Variants in PPP2R1A observed in about 807,000 individuals in gnomAD.
The protein encoded by PPP2R1A is serine/threonine-protein phosphatase 2A 65 kDa regulatory subunit A alpha isoform.
Under a neutral mutation model 67.1 loss-of-function variants are expected in PPP2R1A, and 15 were observed. The ratio of observed to expected loss-of-function variants is 0.22; its 90% CI spans 0.15 to 0.34. The LOEUF is 0.34. Ranked by LOEUF, PPP2R1A falls within the 10% of genes least tolerant of loss-of-function variation. The pLI is 1.00. For synonymous variants in PPP2R1A, 337 were observed against 325.0 expected (o/e 1.04, Z -0.40); for missense variants, 369 against 775.0 (o/e 0.48, Z 6.22).
intron 1 of PPP2R1A, among the ~76,000 whole-genome samples, chr19:52,195,666 G>A (rs566380237): frequency 6.6e-6 from 1 of 152,114 alleles, no homozygotes; most frequent in Admixed American, 6.5e-5. Context: ...GCAGCTCTCA[G>A]AACTCAGGGA....
At chr19:52,195,243 C>T (rs943609875) in intron 1 of PPP2R1A, among the ~76,000 whole-genome samples, 6 of 152,040 alleles carry the variant, frequency 3.9e-5, no homozygotes, top group Admixed American at 6.6e-5. Flanking sequence ...GGCTCTGTGC[C>T]GAGGCCTGCT....
rs376923147 is a variant in PPP2R1A at position 52,220,970 on chromosome 19, C to T, written c.1364-9C>T. The T allele has an allele frequency of 5.6e-6, 9 of 1,614,080 alleles. No homozygotes were observed. In the Middle Eastern group the frequency reaches 8.3e-4, roughly 148 times the overall value. Reference sequence around the variant, plus strand: ...AATCCCTGTCTCTCTCACCCTCACCCTTCTGCAGTATATGCCATCCGCGAG... The same window carrying T: ...AATCCCTGTCTCTCTCACCCTCACCTTTCTGCAGTATATGCCATCCGCGAG... On this transcript the variant is annotated splice_polypyrimidine_tract_variant and intron_variant, in intron 11 of 14. Coordinates refer to ENST00000322088, the MANE Select transcript of PPP2R1A (RefSeq NM_014225.6).
At chr19:52,208,626 A>G (rs1486262520) in intron 3 of PPP2R1A, among the ~76,000 whole-genome samples, 1 of 152,068 alleles carries the variant, frequency 6.6e-6, no homozygotes, top group Non-Finnish European at 1.5e-5. Flanking sequence ...CAGCCTCCCA[A>G]GTAGCTGGGA....
intron 1 of PPP2R1A, among the ~76,000 whole-genome samples, chr19:52,192,413 T>G (rs140555126): frequency 2.0e-3 from 310 of 151,664 alleles, no homozygotes; most frequent in African/African-American, 7.2e-3. Flanking sequence ...GTTCAAGCAA[T>G]TCTCCTGCCT....
Position 52,216,673 on chromosome 19 carries a change from C to T in PPP2R1A, c.1128+10C>T, listed in dbSNP as rs2122351384. 1.9e-6 allele frequency: 3 copies of T among 1,614,110 alleles called. No homozygotes were observed. Among genetic ancestry groups the T allele is most frequent in the Middle Eastern group, 1.6e-4 (1 of 6,062 alleles). On this transcript the variant is annotated intron_variant, in intron 9 of 14. Coordinates refer to ENST00000322088, the MANE Select transcript of PPP2R1A (RefSeq NM_014225.6). The surrounding 1 kb of genome is among the most constrained non-coding windows in gnomAD (Gnocchi z 4.3). ...TCAGCTGAAGGATGAGGTAAGGGCA[C>T]CAGGATCTCAGCTCTGGGTTTGTGG...
intron 13 of PPP2R1A, 34 bp from the exon 14 acceptor site, chr19:52,225,683 A>G: frequency 6.3e-7 from 1 of 1,598,630 alleles, no homozygotes; most frequent in Non-Finnish European, 8.6e-7. Context: ...ATCCTGGCTC[A>G]CCCTCTCTCT....
rs1978761448 is a variant in PPP2R1A, at chr19:52,219,126, C to A, written c.1129-565C>A. 6.6e-6 allele frequency among the ~76,000 whole-genome samples: 1 copy of A among 152,234 alleles called. No homozygotes were observed. Among genetic ancestry groups the A allele is most frequent in the Non-Finnish European group, 1.5e-5 (1 of 68,044 alleles). On this transcript the variant is annotated intron_variant, in intron 9 of 14. Coordinates refer to ENST00000322088, the MANE Select transcript of PPP2R1A (RefSeq NM_014225.6). The surrounding 1 kb of genome is among the most constrained non-coding windows in gnomAD (Gnocchi z 4.0). ...CTTCTCTTCTCATGCACATGTTCAG[C>A]AGCTTGAGGCTCACACAGCAAGGGC...
chr19:52,224,497 T>C (rs945981136), intron 13 of PPP2R1A, among the ~76,000 whole-genome samples: 2 of 152,204 alleles, frequency 1.3e-5, no homozygotes, highest in Non-Finnish European at 2.9e-5. Flanking sequence ...TAGCTCTGTA[T>C]TCACTCCTAA....
chr19:52,198,874 G>A (rs1309882068), intron 1 of PPP2R1A, among the ~76,000 whole-genome samples: 1 of 152,220 alleles, frequency 6.6e-6, no homozygotes, highest in East Asian at 1.9e-4. Flanking sequence ...TGAGGATTCA[G>A]TGTGTTAATC....
chr19:52,190,412 G>A (rs537761086), intron 1 of PPP2R1A: 5 of 574,818 alleles, frequency 8.7e-6, no homozygotes, highest in African/African-American at 1.9e-5. Context: ...CCTGCCCTGT[G>A]CGCGCGGCGG....
rs1477794653 is a variant in PPP2R1A, at chr19:52,206,000, G to T, written c.207G>T (p.Leu69=). 1.9e-6 allele frequency: 3 copies of T among 1,614,026 alleles called. No homozygotes were observed. Among genetic ancestry groups the T allele is most frequent in the African/African-American group, 1.3e-5 (1 of 74,932 alleles). The change falls in exon 3 of 15, where the codon CTG becomes CTT. Residue 69 remains leucine (L), a synonymous_variant. Coordinates refer to ENST00000322088, the MANE Select transcript of PPP2R1A (RefSeq NM_014225.6). ...IYDEDEVLLA[L]AEQLGTFTTL... The stretch of plus-strand genomic sequence containing the variant: ...ATGAAGATGAGGTCCTCCTGGCCCT[G>T]GCAGAACAGCTGGGAACCTTCACTA...
In PPP2R1A at chr19:52,220,312, C is replaced by T. The variant is rs879236419; in HGVS notation, c.1363+63C>T. ...GCTCCAGAAAGGCAGGATGGATTGG[C>T]TGGGGCTGTGGCGGGCAGTGGAGGA... On this transcript the variant is annotated intron_variant, in intron 11 of 14. Transcript: ENST00000322088. The T allele has an allele frequency of 6.4e-6, 10 of 1,569,256 alleles. No individual in the cohort carries two copies. In the South Asian group the frequency reaches 1.0e-4, roughly 16 times the overall value.
At chr19:52,202,095 A>G (rs932079142) in intron 2 of PPP2R1A, 61 bp downstream of exon 2, 10 of 1,373,676 alleles carry the variant, frequency 7.3e-6, no homozygotes, top group Middle Eastern at 3.6e-4. Context: ...TTTTCACTAT[A>G]TAAGAGAAGA....
chr19:52,210,715 A>T (rs1406631912), intron 3 of PPP2R1A, among the ~76,000 whole-genome samples: 2 of 151,686 alleles, frequency 1.3e-5, no homozygotes, highest in African/African-American at 4.8e-5. Context: ...GCTGGTCTTG[A>T]ACTCCTGACC....
intron 1 of PPP2R1A, among the ~76,000 whole-genome samples, chr19:52,198,943 C>G (rs2089522076): frequency 6.6e-6 from 1 of 152,148 alleles, no homozygotes; most frequent in South Asian, 2.1e-4. Flanking sequence ...ATGTTTGTTG[C>G]TATTGTTCTG....
chr19:52,212,642 G>A lies in PPP2R1A; in HGVS notation c.504-44G>A. ...GCAGAGTCTGTGCTTGCTCCTCTCT[G>A]CCATACTGCCTGCTGCCTCAGGATC... On this transcript the variant is annotated intron_variant, in intron 4 of 14. Transcript: ENST00000322088. The surrounding 1 kb of genome is among the most constrained non-coding windows in gnomAD (Gnocchi z 4.1). 1.2e-6 allele frequency: 2 copies of A among 1,601,714 alleles called. No homozygotes were observed. Among genetic ancestry groups the A allele is most frequent in the Non-Finnish European group, 1.7e-6 (2 of 1,178,592 alleles).
chr19:52,197,944 G>A (rs755374738), intron 1 of PPP2R1A, among the ~76,000 whole-genome samples: 3 of 152,208 alleles, frequency 2.0e-5, no homozygotes, highest in Non-Finnish European at 4.4e-5. Flanking sequence ...TTCTGTCATG[G>A]TGAAAAAAGG....
chr19:52,192,826 G>A (rs184196116), intron 1 of PPP2R1A, among the ~76,000 whole-genome samples: 1 of 152,146 alleles, frequency 6.6e-6, no homozygotes, highest in East Asian at 1.9e-4. Context: ...GGGAAGTTGT[G>A]TGGAGCTTCC....
At position 52,219,391 on chromosome 19, in the gene PPP2R1A, A is replaced by G. The variant is rs1978779819; in HGVS notation, c.1129-300A>G. Among the ~76,000 whole-genome samples the G allele has an allele frequency of 6.6e-6, 1 of 152,236 alleles. No homozygotes were observed. The highest frequency in any genetic ancestry group is 1.5e-5 in the Non-Finnish European group (1 of 68,046). ...CAGCGGAGCTAGGATTAGAAGAATCATGTCTGCCTGTTTTTTCCAGGGTGC... is the reference window on the plus strand; with the variant it reads ...CAGCGGAGCTAGGATTAGAAGAATCGTGTCTGCCTGTTTTTTCCAGGGTGC... On this transcript the variant is annotated intron_variant, in intron 9 of 14. Coordinates refer to ENST00000322088, the MANE Select transcript of PPP2R1A (RefSeq NM_014225.6). The surrounding 1 kb of genome is among the most constrained non-coding windows in gnomAD (Gnocchi z 4.0).
Sources: gnomAD v4.1 joint callset for allele counts (sites outside exome capture counted in the v4.1 genomes callset) on GRCh38, gnomAD v4.1.1 for gene constraint, Gnocchi (gnomAD v3.1) non-coding constraint, MANE v1.5 for transcripts, NCBI Gene and HGNC (gene_info 2026-07-23, HGNC 2026-07-21) for gene names.